Variants in JADE3 observed in about 807,000 individuals in gnomAD.
JADE3 encodes jade family PHD finger 3, also known as protein Jade-3.
JADE3 carries 2 observed loss-of-function variants against 50.1 expected under a neutral mutation model. The ratio of observed to expected loss-of-function variants is 0.04; its 90% confidence interval spans 0.02 to 0.13. JADE3 has a LOEUF of 0.13. JADE3 is among the 10% of genes least tolerant of loss of function. The pLI is 1.00. For synonymous variants in JADE3, 218 were observed against 232.9 expected (o/e 0.94, Z 0.58); for missense variants, 475 against 634.4 (o/e 0.75, Z 2.70).
chrX:46,991,059 T>TC (rs1927987157), intron 3 of JADE3, among the ~76,000 whole-genome samples: 1 of 371 alleles, frequency 2.7e-3, no homozygotes, highest in Non-Finnish European at 6.1e-3. Context: ...CCTCCCTCCC[T>TC]CACTCCCTCC....
At chrX:46,933,486 T>C (rs942907798) in intron 1 of JADE3, among the ~76,000 whole-genome samples, 2 of 112,364 alleles carry the variant, frequency 1.8e-5, no homozygotes, top group Non-Finnish European at 1.9e-5. Context: ...CTGGTATTTA[T>C]AAGTATTCTG....
At chrX:47,008,259 A>G (rs782333335) in intron 4 of JADE3, among the ~76,000 whole-genome samples, 1 of 112,013 alleles carries the variant, frequency 8.9e-6, no homozygotes, top group Non-Finnish European at 1.9e-5. Context: ...AAGATGTCCC[A>G]GAGGAAGTGA....
At chrX:47,046,574 C>CA in intron 8 of JADE3, among the ~76,000 whole-genome samples, 1 of 111,598 alleles carries the variant, frequency 9.0e-6, no homozygotes, top group Admixed American at 9.5e-5. Flanking sequence ...AAAGACACAT[C>CA]AAAAAAAGAA....
chrX:47,000,715 G>A (rs1928261929), intron 4 of JADE3, among the ~76,000 whole-genome samples: 2 of 110,414 alleles, frequency 1.8e-5, no homozygotes, highest in Admixed American at 1.9e-4. Flanking sequence ...ACCATGCCTG[G>A]ATATTTTTGT....
chrX:47,002,319 T>C (rs1981198353), intron 4 of JADE3, among the ~76,000 whole-genome samples: 1 of 111,823 alleles, frequency 8.9e-6, no homozygotes, highest in Admixed American at 9.6e-5. Flanking sequence ...ATCAGGTAAG[T>C]TGATTCTTCC....
At chrX:47,056,301 T>C (rs1259198653) in intron 10 of JADE3, 102 bp downstream of exon 10, 2 of 476,437 alleles carry the variant, frequency 4.2e-6, no homozygotes, top group African/African-American at 2.4e-5. Context: ...TAAAAATCTT[T>C]TAAAATTCTT....
At chrX:47,040,302 G>A (rs1260904135) in intron 8 of JADE3, among the ~76,000 whole-genome samples, 1 of 112,037 alleles carries the variant, frequency 8.9e-6, no homozygotes, top group Non-Finnish European at 1.9e-5. Context: ...GTTAGGAACC[G>A]GGCCGCACAG....
At chrX:46,924,552 G>A (rs782211713) in intron 1 of JADE3, among the ~76,000 whole-genome samples, 1 of 112,156 alleles carries the variant, frequency 8.9e-6, no homozygotes, top group South Asian at 3.7e-4. Context: ...AAACCTGGAA[G>A]TTTTAATCTA....
At position 47,058,546 on chromosome X, in the gene JADE3, T is replaced by A. The variant is rs1351872649; in HGVS notation, c.1941T>A (p.His647Gln). The change falls in exon 11 of 11, where the codon CAT (histidine) becomes CAA (glutamine). Residue 647 changes from histidine to glutamine, a missense_variant. By Grantham distance (24) the His-to-Gln change is conservative. Around this residue, in one of 6 missense-constraint regions of JADE3, gnomAD observed 243 missense variants for 238.2 expected, o/e 1.02. Coordinates refer to ENST00000614628, the MANE Select transcript of JADE3 (RefSeq NM_014735.5). Reference protein sequence around the residue: ...GKPLVLQAALHGQSSIGNGKS... With the variant: ...GKPLVLQAALQGQSSIGNGKS... Reference sequence around the variant, plus strand: ...CTCTGGTCCTTCAGGCTGCCCTCCATGGACAGTCTTCCATTGGGAATGGGA... The same window carrying A: ...CTCTGGTCCTTCAGGCTGCCCTCCAAGGACAGTCTTCCATTGGGAATGGGA... 1 of 1,209,471 alleles carries A rather than the reference T, an allele frequency of 8.3e-7. No individual in the cohort carries two copies. Among genetic ancestry groups the A allele is most frequent in the Non-Finnish European group, 1.1e-6 (1 of 895,067 alleles).
intron 1 of JADE3, among the ~76,000 whole-genome samples, chrX:46,967,883 G>GCTCC (rs1927401088): frequency 8.9e-6 from 1 of 112,362 alleles, no homozygotes; most frequent in Non-Finnish European, 1.9e-5. Flanking sequence ...AATCCAGGCA[G>GCTCC]GGAGACTAGA....
At chrX:46,962,821 C>T (rs2045528582) in intron 1 of JADE3, among the ~76,000 whole-genome samples, 1 of 98,501 alleles carries the variant, frequency 1.0e-5, no homozygotes, top group Admixed American at 1.2e-4. Flanking sequence ...TCATATGGTT[C>T]AACCTAATAT....
intron 1 of JADE3, among the ~76,000 whole-genome samples, chrX:46,913,194 C>G (rs1926003699): frequency 9.0e-6 from 1 of 111,567 alleles, no homozygotes; most frequent in Non-Finnish European, 1.9e-5. Context: ...GTCGGATGCT[C>G]CAGGGAGCGA....
At chrX:46,971,945 G>A (rs1415620846) in intron 1 of JADE3, among the ~76,000 whole-genome samples, 1 of 109,877 alleles carries the variant, frequency 9.1e-6, no homozygotes, top group East Asian at 2.8e-4. Context: ...GGGGTGGGGA[G>A]TGTTAGGAGA....
At chrX:47,014,739 A>C (rs1928636393) in intron 4 of JADE3, among the ~76,000 whole-genome samples, 1 of 112,102 alleles carries the variant, frequency 8.9e-6, no homozygotes, top group Admixed American at 9.5e-5. Context: ...ATGACAAAAC[A>C]GCATTATGTT....
chrX:47,000,030 G>A (rs1374629174), intron 4 of JADE3, among the ~76,000 whole-genome samples: 1 of 110,565 alleles, frequency 9.0e-6, no homozygotes, highest in Non-Finnish European at 1.9e-5. Flanking sequence ...CCTAGTACTA[G>A]GTTTTTAAGA....
intron 1 of JADE3, among the ~76,000 whole-genome samples, chrX:46,958,541 C>G (rs1028254606): frequency 1.3e-4 from 15 of 111,165 alleles, no homozygotes; most frequent in African/African-American, 4.6e-4. Context: ...GCAGGAAAAT[C>G]CTGTCAGCTG....
chrX:46,957,689 C>T (rs1927166055), intron 1 of JADE3, among the ~76,000 whole-genome samples: 1 of 112,127 alleles, frequency 8.9e-6, no homozygotes, highest in African/African-American at 3.2e-5. Flanking sequence ...ACGGAATAAA[C>T]AGACTTTGGT....
At chrX:46,936,723 T>A (rs1926632643) in intron 1 of JADE3, among the ~76,000 whole-genome samples, 1 of 112,117 alleles carries the variant, frequency 8.9e-6, no homozygotes, top group South Asian at 3.7e-4. Flanking sequence ...TTGCTCCATT[T>A]CATTTAAGTT....
At chrX:46,963,271 G>T (rs1353110651) in intron 1 of JADE3, among the ~76,000 whole-genome samples, 4 of 111,854 alleles carry the variant, frequency 3.6e-5, no homozygotes, top group African/African-American at 1.3e-4. Flanking sequence ...CTACTCGTAT[G>T]GCTGCTGTTA....
Sources: gnomAD v4.1 joint callset for allele counts (sites outside exome capture counted in the v4.1 genomes callset) on GRCh38, gnomAD v4.1.1 for gene constraint, gnomAD v4.1.1 regional missense constraint, MANE v1.5 for transcripts, NCBI Gene and HGNC (gene_info 2026-07-23, HGNC 2026-07-21) for gene names.